KCNAB1: variants seen among roughly 807,000 people sequenced by gnomAD.
KCNAB1 encodes the protein voltage-gated potassium channel subunit beta-1.
Under a neutral mutation model 64.6 loss-of-function variants are expected in KCNAB1, and 35 were observed. That is an observed-to-expected ratio of 0.54 (90% CI 0.41 to 0.72). KCNAB1 has a LOEUF of 0.72. KCNAB1 is among the 30% of genes least tolerant of loss of function. The probability of loss-of-function intolerance (pLI) is 0.00; values close to 1 mark genes in which losing one functional copy is unlikely to be tolerated. For missense variants in KCNAB1, 401 were observed against 512.9 expected (o/e 0.78, Z 2.11); for synonymous variants, 177 against 183.8 (o/e 0.96, Z 0.30).
intron 1 of KCNAB1, among the ~76,000 whole-genome samples, chr3:156,148,986 C>T (rs1486835222): frequency 1.3e-5 from 2 of 152,000 alleles, no homozygotes; most frequent in Non-Finnish European, 2.9e-5. Context: ...ACTCTTCAAA[C>T]GATGTAATAC....
At chr3:156,507,956 T>G (rs1716934885) in intron 8 of KCNAB1, among the ~76,000 whole-genome samples, 1 of 152,232 alleles carries the variant, frequency 6.6e-6, no homozygotes, top group Admixed American at 6.5e-5. Flanking sequence ...GTGGTGCCTT[T>G]GCTTGTTAGA....
chr3:156,406,260 T>G (rs981712488), intron 1 of KCNAB1, among the ~76,000 whole-genome samples: 20 of 152,186 alleles, frequency 1.3e-4, no homozygotes, highest in Admixed American at 1.2e-3. Flanking sequence ...GTGAAAACCA[T>G]AGCCTATCAT....
intron 1 of KCNAB1, among the ~76,000 whole-genome samples, chr3:156,238,697 C>T (rs944876415): frequency 1.3e-5 from 2 of 152,076 alleles, no homozygotes; most frequent in Non-Finnish European, 2.9e-5. Context: ...GTAGTTGACT[C>T]TAGAATAACA....
intron 3 of KCNAB1, chr3:156,457,121 TG>T: frequency 1.2e-6 from 1 of 804,726 alleles, no homozygotes; most frequent in Non-Finnish European, 1.6e-6. Context: ...GTGATACAAA[TG>T]GCCCTCTTTG....
rs532554193 is a variant in KCNAB1, at chr3:156,503,198, A to G, written c.659-11166A>G. Among the ~76,000 whole-genome samples, 186 of 152,320 alleles carry G rather than the reference A, an allele frequency of 1.2e-3. 2 individuals are homozygous for G. Among genetic ancestry groups the G allele is most frequent in the African/African-American group, 4.3e-3 (178 of 41,572 alleles). Reference sequence around the variant, plus strand: ...AAAACGGTGGGGCTATATTTAGATTATGTTGAAAGAAAAGGTGCAATTTTG... The same window carrying G: ...AAAACGGTGGGGCTATATTTAGATTGTGTTGAAAGAAAAGGTGCAATTTTG... On this transcript the variant is annotated intron_variant, in intron 8 of 13. Transcript: ENST00000490337.
At chr3:156,121,788 T>A (rs2108251179) in intron 1 of KCNAB1, among the ~76,000 whole-genome samples, 1 of 152,360 alleles carries the variant, frequency 6.6e-6, no homozygotes, top group Admixed American at 6.5e-5. Context: ...TTGTAGAGAC[T>A]GTATGGTAGC....
At chr3:156,132,112 C>T (rs1714032644) in intron 1 of KCNAB1, among the ~76,000 whole-genome samples, 1 of 152,238 alleles carries the variant, frequency 6.6e-6, no homozygotes, top group Admixed American at 6.5e-5. Flanking sequence ...GTGCTTGAAA[C>T]AGGGTTAGGG....
In KCNAB1 at chr3:156,465,574, G is replaced by T; in HGVS notation, c.528-69G>T. 3 of 1,424,782 alleles carry T rather than the reference G, an allele frequency of 2.1e-6. No homozygotes were observed. The South Asian group carries it at 3.5e-5, about 16-fold the overall frequency. The allele number at this position is 1,424,782 out of a possible 1,614,324, so 88.3% of individuals were successfully genotyped here. A position where few individuals can be genotyped will look rare whatever the true frequency, so the allele number is the denominator to read the frequency against. ...AACAGGGTGCAAAATTAGCAATTCA[G>T]ACCAGAGATTTAGAGAAGAAAAGAA... On this transcript the variant is annotated intron_variant, in intron 6 of 13. Coordinates refer to ENST00000490337, the MANE Select transcript of KCNAB1 (RefSeq NM_172160.3).
At chr3:156,158,722 T>C (rs1715903114) in intron 1 of KCNAB1, among the ~76,000 whole-genome samples, 1 of 152,220 alleles carries the variant, frequency 6.6e-6, no homozygotes, top group Admixed American at 6.5e-5. Flanking sequence ...GGCTTCATTC[T>C]CAGCTCCACA....
At chr3:156,352,793 A>G (rs905387669) in intron 1 of KCNAB1, among the ~76,000 whole-genome samples, 3 of 152,232 alleles carry the variant, frequency 2.0e-5, no homozygotes, top group Admixed American at 1.3e-4. Context: ...GGCTTTGGGC[A>G]GAGGGTGTCA....
At chr3:156,370,803 G>A (rs1726251922) in intron 1 of KCNAB1, among the ~76,000 whole-genome samples, 1 of 152,208 alleles carries the variant, frequency 6.6e-6, no homozygotes, top group African/African-American at 2.4e-5. Context: ...TTTTATTAAG[G>A]GCTCACATAC....
intron 2 of KCNAB1, 92 bp downstream of exon 2, chr3:156,421,751 G>T: frequency 2.7e-6 from 3 of 1,113,710 alleles, no homozygotes; most frequent in Non-Finnish European, 4.0e-6. Context: ...CCAGGACCTG[G>T]TCTCAGATGA....
chr3:156,268,888 T>A (rs1718873841), intron 1 of KCNAB1, among the ~76,000 whole-genome samples: 1 of 152,170 alleles, frequency 6.6e-6, no homozygotes, highest in African/African-American at 2.4e-5. Flanking sequence ...CATTTTTGCT[T>A]TGGTTGTCTG....
chr3:156,473,103 A>G (rs147811110), intron 7 of KCNAB1, among the ~76,000 whole-genome samples: 1 of 152,318 alleles, frequency 6.6e-6, no homozygotes, highest in African/African-American at 2.4e-5. Context: ...CAGGGGGTCT[A>G]GTGAAAATTT....
At chr3:156,523,785 C>G (rs1378556756) in intron 11 of KCNAB1, 42 bp from the exon 12 acceptor site, 1 of 1,571,792 alleles carries the variant, frequency 6.4e-7, no homozygotes, top group East Asian at 2.3e-5. Context: ...GACATCAGAT[C>G]TTTACCAGAC....
chr3:156,401,424 A>G (rs546979461), intron 1 of KCNAB1, among the ~76,000 whole-genome samples: 1 of 152,350 alleles, frequency 6.6e-6, no homozygotes, highest in African/African-American at 2.4e-5. Flanking sequence ...AGTCTTAATT[A>G]TAGGATTTTT....
intron 1 of KCNAB1, among the ~76,000 whole-genome samples, chr3:156,237,523 A>T (rs1716917454): frequency 6.6e-6 from 1 of 151,874 alleles, no homozygotes; most frequent in Non-Finnish European, 1.5e-5. Flanking sequence ...CAACACCCCC[A>T]CCTCGCTCAA....
At chr3:156,520,461 C>T (rs1349300699) in intron 11 of KCNAB1, among the ~76,000 whole-genome samples, 1 of 152,094 alleles carries the variant, frequency 6.6e-6, no homozygotes, top group African/African-American at 2.4e-5. Flanking sequence ...ACCTGTAGTC[C>T]CAAATACTCA....
intron 1 of KCNAB1, among the ~76,000 whole-genome samples, chr3:156,368,934 G>A (rs1027469113): frequency 2.0e-5 from 3 of 152,108 alleles, no homozygotes; most frequent in African/African-American, 7.2e-5. Flanking sequence ...TTCTTTGCTT[G>A]TTTCTTTAAT....
Sources: allele counts gnomAD v4.1 joint callset (sites outside exome capture counted in the v4.1 genomes callset), GRCh38; gene constraint gnomAD v4.1.1; transcripts MANE v1.5; gene names NCBI Gene and HGNC (gene_info 2026-07-23, HGNC 2026-07-21).